The following CCDC102B variants were observed in gnomAD, a reference collection of about 807,000 sequenced individuals.
CCDC102B encodes the protein coiled-coil domain containing 102B, also known as coiled-coil domain-containing protein 102B.
In CCDC102B, 75 loss-of-function variants were observed where a neutral mutation model predicts 57.4. The ratio of observed to expected loss-of-function variants is 1.31; its 90% confidence interval spans 1.08 to 1.58. CCDC102B has a LOEUF of 1.58. CCDC102B is among the 40% of genes most tolerant of loss of function. The pLI, the probability that CCDC102B is intolerant of heterozygous loss-of-function variation, is 0.00. For synonymous variants in CCDC102B, 206 were observed against 201.9 expected (o/e 1.02, Z -0.17); for missense variants, 636 against 582.6 (o/e 1.09, Z -0.94).
rs866631930 is a variant in CCDC102B at position 69,025,265 on chromosome 18, C to T, written c.1434+14161C>T. 9.9e-4 allele frequency among the ~76,000 whole-genome samples: 150 copies of T among 152,146 alleles called. 4 individuals carry two copies. The highest frequency in any genetic ancestry group is 3.5e-3 in the African/African-American group (144 of 41,526). ...TAAACAGAATATAATTAGACAAGAT[C>T]GTTGGCAGAAATCTTAAAACTAAAA... On this transcript the variant is annotated intron_variant, in intron 7 of 7. Coordinates refer to ENST00000360242, the MANE Select transcript of CCDC102B (RefSeq NM_024781.3).
chr18:69,030,678 T>C (rs2052115309), intron 7 of CCDC102B, among the ~76,000 whole-genome samples: 1 of 152,144 alleles, frequency 6.6e-6, no homozygotes, highest in Non-Finnish European at 1.5e-5. Flanking sequence ...GTTTTTGTTT[T>C]TGGAGACACT....
At chr18:68,986,714 A>C (rs112863916) in intron 6 of CCDC102B, among the ~76,000 whole-genome samples, 4,908 of 152,192 alleles carry the variant, frequency 0.032, 277 homozygotes, top group African/African-American at 0.11. Context: ...ACAACAACAA[A>C]AAAAAAACTT....
chr18:68,775,033 T>G (rs1273453356), intron 2 of CCDC102B, among the ~76,000 whole-genome samples: 1 of 151,170 alleles, frequency 6.6e-6, no homozygotes, highest in Non-Finnish European at 1.5e-5. Flanking sequence ...TTTCTGTTTT[T>G]TTTTTGTTTT....
chr18:68,942,426 CTG>C (rs1444510992), intron 6 of CCDC102B, among the ~76,000 whole-genome samples: 2 of 152,018 alleles, frequency 1.3e-5, no homozygotes, highest in Non-Finnish European at 2.9e-5. Flanking sequence ...GGCCCAGTCT[CTG>C]AGTTCCCTCA....
intron 6 of CCDC102B, among the ~76,000 whole-genome samples, chr18:69,007,999 A>T (rs1354476457): frequency 1.3e-5 from 2 of 152,254 alleles, no homozygotes; most frequent in African/African-American, 4.8e-5. Flanking sequence ...TGATATAAGA[A>T]ATAATTTTGC....
At chr18:69,022,222 T>TATATATATATATATATATATATATATAA (rs1395799223) in intron 7 of CCDC102B, among the ~76,000 whole-genome samples, 6 of 94,978 alleles carry the variant, frequency 6.3e-5, no homozygotes, top group Non-Finnish European at 8.8e-5. Flanking sequence ...TATATATATA[T>TATATATATATATATATATATATATATAA]AACACACACA....
chr18:68,765,698 A>G (rs930332794), intron 2 of CCDC102B, among the ~76,000 whole-genome samples: 4 of 152,172 alleles, frequency 2.6e-5, no homozygotes, highest in African/African-American at 7.2e-5. Flanking sequence ...AGTGGAAAAC[A>G]TTTGCATCAC....
chr18:68,902,525 C>T (rs961605088), intron 6 of CCDC102B, among the ~76,000 whole-genome samples: 5 of 152,138 alleles, frequency 3.3e-5, no homozygotes, highest in African/African-American at 1.2e-4. Flanking sequence ...TTTTCTGAAA[C>T]ACAAAACTTG....
intron 1 of CCDC102B, among the ~76,000 whole-genome samples, chr18:68,827,942 A>G (rs2036971440): frequency 6.6e-6 from 1 of 151,964 alleles, no homozygotes; most frequent in South Asian, 2.1e-4. Context: ...AGAACAAAAC[A>G]AAATGAAATA....
At chr18:68,839,913 G>T (rs1439095151) in intron 3 of CCDC102B, among the ~76,000 whole-genome samples, 1 of 152,148 alleles carries the variant, frequency 6.6e-6, no homozygotes, top group Non-Finnish European at 1.5e-5. Flanking sequence ...ACTTTCAATG[G>T]AAGGAGTGTG....
At chr18:69,018,846 T>G (rs548785329) in intron 7 of CCDC102B, among the ~76,000 whole-genome samples, 1 of 152,114 alleles carries the variant, frequency 6.6e-6, no homozygotes, top group Non-Finnish European at 1.5e-5. Flanking sequence ...CCAAGAATAA[T>G]GCCAAGGAGA....
At chr18:68,955,866 ATAAGG>A (rs985956416) in intron 6 of CCDC102B, among the ~76,000 whole-genome samples, 2 of 152,054 alleles carry the variant, frequency 1.3e-5, no homozygotes, top group African/African-American at 2.4e-5. Flanking sequence ...ATCAGGGTAA[ATAAGG>A]TACTCATCAG....
chr18:68,905,854 T>C (rs542624556), intron 6 of CCDC102B, among the ~76,000 whole-genome samples: 17 of 142,032 alleles, frequency 1.2e-4, no homozygotes, highest in Middle Eastern at 3.8e-3. Flanking sequence ...AGTACAGTGG[T>C]GCGATCTCGG....
intron 2 of CCDC102B, among the ~76,000 whole-genome samples, chr18:68,758,926 G>C (rs565630930): frequency 2.1e-5 from 3 of 144,502 alleles, no homozygotes; most frequent in Admixed American, 6.8e-5. Flanking sequence ...TCTATAAAGA[G>C]AGAAAAAAAC....
At chr18:68,715,706 G>C (rs953944634) in intron 1 of CCDC102B, 24 of 152,022 alleles carry the variant, frequency 1.6e-4, no homozygotes, top group African/African-American at 5.8e-4. Flanking sequence ...GATTATTTTG[G>C]AACTAGATAA....
At chr18:68,738,301 AAAGAAT>A (rs760318304) in intron 2 of CCDC102B, among the ~76,000 whole-genome samples, 1 of 152,184 alleles carries the variant, frequency 6.6e-6, no homozygotes. Context: ...AATATGTAGC[AAAGAAT>A]AAGAATAAGA....
At chr18:69,041,303 G>T (rs2052428126) in intron 7 of CCDC102B, among the ~76,000 whole-genome samples, 1 of 151,980 alleles carries the variant, frequency 6.6e-6, no homozygotes, top group Non-Finnish European at 1.5e-5. Flanking sequence ...AGTTTATGCT[G>T]ACATGTGGTT....
At chr18:68,793,339 ATTAT>A (rs1339669594), upstream of CCDC102B, among the ~76,000 whole-genome samples, 2 of 152,174 alleles carry the variant, frequency 1.3e-5, no homozygotes, top group Admixed American at 6.5e-5. Flanking sequence ...TCCACAGAAA[ATTAT>A]TTGTCTGACT....
In CCDC102B at chr18:69,011,042, G is replaced by C; in HGVS notation, c.1372G>C (p.Val458Leu). The C allele has an allele frequency of 6.2e-7, 1 of 1,613,902 alleles. No individual in the cohort carries two copies. Among genetic ancestry groups the C allele is most frequent in the Non-Finnish European group, 8.5e-7 (1 of 1,179,884 alleles). Residue 458 changes from valine (V) to leucine (L), a missense_variant, in exon 7 of 8, where the codon GTA (valine) becomes CTA (leucine). Transcript: ENST00000360242. ...CCGAGTGGATCAAAATGAAGCAGAA[G>C]TAAAGAAACTAAGATTACGAGTGGA... ...NNRVDQNEAE[V>L]KKLRLRVEEL...
Sources: allele counts gnomAD v4.1 joint callset (sites outside exome capture counted in the v4.1 genomes callset), GRCh38; gene constraint gnomAD v4.1.1; transcripts MANE v1.5; gene names NCBI Gene and HGNC (gene_info 2026-07-23, HGNC 2026-07-21).